Variants in SLC33A1 observed in about 807,000 individuals in gnomAD.
SLC33A1 encodes solute carrier family 33 member 1.
SLC33A1 carries 20 observed loss-of-function variants against 50.0 expected under a neutral mutation model. That is an observed-to-expected ratio of 0.40 (90% CI 0.28 to 0.58). The LOEUF (loss-of-function observed/expected upper bound fraction) is 0.58. SLC33A1 is among the 20% of genes least tolerant of loss of function. The pLI is 0.44. For missense variants in SLC33A1, 476 were observed against 657.0 expected, an observed-to-expected ratio of 0.72 and a Z score of 3.01; for synonymous variants, 265 against 251.8, an observed-to-expected ratio of 1.05 and a Z score of -0.50.
rs1016963261 is a variant in SLC33A1, at chr3:155,826,935, T to G, written c.*1275A>C. 2.6e-5 allele frequency: 4 copies of G among 152,184 alleles called. No homozygotes were observed. Among genetic ancestry groups the G allele is most frequent in the Non-Finnish European group, 4.4e-5 (3 of 68,032 alleles). The allele number at this position is 152,184 out of a possible 1,614,324, so 9.4% of individuals were successfully genotyped here. On this transcript the variant is annotated 3_prime_UTR_variant, in exon 6 of 6. Transcript: ENST00000643144. ...TAACTTTTGGAGGATTTATATAATC[T>G]CTAAAGAGTCAGAGTAATACATAAC...
At position 155,854,040 on chromosome 3, in the gene SLC33A1, G is replaced by A. The variant is rs140074495; in HGVS notation, c.-43C>T. Reference sequence around the variant, plus strand: ...GCCCCGTCTGTGGGGGGCCGAGGCTGAGCGTTTTGGATCCGTCCAGTCCCA... The same window carrying A: ...GCCCCGTCTGTGGGGGGCCGAGGCTAAGCGTTTTGGATCCGTCCAGTCCCA... On this transcript the variant is annotated 5_prime_UTR_variant, in exon 1 of 6. Transcript: ENST00000643144. 312 of 1,492,692 alleles carry A rather than the reference G, an allele frequency of 2.1e-4. No individual in the cohort carries two copies. In the East Asian group the frequency reaches 6.7e-3, roughly 32 times the overall value. The allele number at this position is 1,492,692 out of a possible 1,614,324, so 92.5% of individuals were successfully genotyped here.
At chr3:155,834,666 T>C (rs1207662152) in intron 2 of SLC33A1, among the ~76,000 whole-genome samples, 1 of 152,138 alleles carries the variant, frequency 6.6e-6, no homozygotes, top group African/African-American at 2.4e-5. Flanking sequence ...CAGTTTTTAA[T>C]TACAAAAGAA....
intron 4 of SLC33A1, among the ~76,000 whole-genome samples, chr3:155,831,395 TCA>T (rs1752425346): frequency 7.9e-6 from 1 of 126,322 alleles, no homozygotes; most frequent in African/African-American, 3.0e-5. Context: ...GGTGGAGGTA[TCA>T]CAGTGAGCCG....
Position 155,852,672 on chromosome 3 carries a change from T to C in SLC33A1, c.775+551A>G, listed in dbSNP as rs1451526724. Among the ~76,000 whole-genome samples the C allele has an allele frequency of 3.9e-5, 6 of 152,344 alleles. No homozygotes were observed. The East Asian group carries it at 9.6e-4, about 24-fold the overall frequency. On this transcript the variant is annotated intron_variant, in intron 1 of 5. Transcript: ENST00000643144. ...AAGCCTGACTCCCAAAGGCAGTTAC[T>C]AACTGGCAACTCTGAACTCTCCTAA...
intron 4 of SLC33A1, 38 bp downstream of exon 4, chr3:155,833,430 G>T: frequency 3.1e-6 from 3 of 954,062 alleles, no homozygotes; most frequent in South Asian, 2.6e-5. Flanking sequence ...ATTTTACACA[G>T]AACAGTTTAT....
At chr3:155,828,899 T>C (rs1003308294) in intron 5 of SLC33A1, among the ~76,000 whole-genome samples, 1 of 148,540 alleles carries the variant, frequency 6.7e-6, no homozygotes, top group African/African-American at 2.5e-5. Context: ...CGAATATGTT[T>C]TTTTTTTTTT....
At chr3:155,847,241 T>A (rs913548703) in intron 1 of SLC33A1, among the ~76,000 whole-genome samples, 1 of 152,086 alleles carries the variant, frequency 6.6e-6, no homozygotes, top group Admixed American at 6.6e-5. Context: ...TTTGTTTTTC[T>A]GAGAATGTAG....
rs924989734 is a variant in SLC33A1 at position 155,830,497 on chromosome 3, T to C, written c.1267-594A>G. On this transcript the variant is annotated intron_variant, in intron 4 of 5. Transcript: ENST00000643144. ...AGGCTGGAAAATGGGGAATAAATAA[T>C]TATAAATACAGGAAGTACTGTAAAT... Among the ~76,000 whole-genome samples the C allele has an allele frequency of 6.6e-5, 10 of 152,204 alleles. No homozygotes were observed. In the East Asian group the frequency reaches 1.5e-3, roughly 23 times the overall value.
At chr3:155,831,733 A>G (rs970396844) in intron 4 of SLC33A1, among the ~76,000 whole-genome samples, 1 of 152,144 alleles carries the variant, frequency 6.6e-6, no homozygotes, top group East Asian at 1.9e-4. Context: ...TTAACCTTCT[A>G]TTACATATCT....
chr3:155,840,983 C>CA lies in SLC33A1; in HGVS notation c.963+1448dup, dbSNP rs1168031341. On this transcript the variant is annotated intron_variant, in intron 2 of 5. Coordinates refer to ENST00000643144, the MANE Select transcript of SLC33A1 (RefSeq NM_004733.4). Reference sequence around the variant, plus strand: ...TGGGTGACAGAGCGAGACTTTGTCTCAAAAAAAATATATATATATATTGTT... The same window carrying CA: ...TGGGTGACAGAGCGAGACTTTGTCTCAAAAAAAAATATATATATATATTGTT... Among the ~76,000 whole-genome samples, 34 of 147,464 alleles carry CA rather than the reference C, an allele frequency of 2.3e-4. No individual in the cohort carries two copies. The East Asian group carries it at 5.1e-3, about 22-fold the overall frequency.
chr3:155,847,190 A>G (rs1286620769), intron 1 of SLC33A1, among the ~76,000 whole-genome samples: 1 of 152,198 alleles, frequency 6.6e-6, no homozygotes, highest in African/African-American at 2.4e-5. Flanking sequence ...CCTGGATGAC[A>G]TGGCAAGACG....
intron 2 of SLC33A1, among the ~76,000 whole-genome samples, chr3:155,837,706 A>T (rs1577464877): frequency 6.6e-6 from 1 of 152,364 alleles, no homozygotes; most frequent in East Asian, 1.9e-4. Context: ...TGCTATAAAT[A>T]AAAATATGGA....
intron 1 of SLC33A1, among the ~76,000 whole-genome samples, chr3:155,852,754 T>C (rs761042849): frequency 1.3e-5 from 2 of 152,216 alleles, no homozygotes; most frequent in African/African-American, 4.8e-5. Flanking sequence ...ATTAGAGGCC[T>C]TAGAATCCCG....
At position 155,834,278 on chromosome 3, in the gene SLC33A1, G is replaced by C. The variant is rs148646790; in HGVS notation, c.964-237C>G. Among the ~76,000 whole-genome samples the C allele has an allele frequency of 3.9e-5, 6 of 152,282 alleles. No individual in the cohort carries two copies. The East Asian group carries it at 1.2e-3, about 29-fold the overall frequency. On this transcript the variant is annotated intron_variant, in intron 2 of 5. Coordinates refer to ENST00000643144, the MANE Select transcript of SLC33A1 (RefSeq NM_004733.4). ...AAATTCAGTACTGGTAGGGATGGTA[G>C]ATGGCTATAAATACAACTAAATTTC...
At chr3:155,829,041 A>G (rs1015682565) in intron 5 of SLC33A1, among the ~76,000 whole-genome samples, 3 of 151,758 alleles carry the variant, frequency 2.0e-5, no homozygotes, top group Non-Finnish European at 4.4e-5. Context: ...AGTTGGGACT[A>G]CAGGCACACA....
Position 155,838,452 on chromosome 3 carries a change from G to A in SLC33A1, c.963+3980C>T, listed in dbSNP as rs146215975. On this transcript the variant is annotated intron_variant, in intron 2 of 5. Transcript: ENST00000643144. ...TCCCAGCACTTTGGGAGGCAAAGGC[G>A]GGCAGATTGCCTGAGCTCAGGAGTT... Among the ~76,000 whole-genome samples the A allele has an allele frequency of 7.2e-3, 1,096 of 151,980 alleles. 9 individuals carry two copies. The highest frequency in any genetic ancestry group is 0.025 in the African/African-American group (1,026 of 41,456).
chr3:155,851,459 C>A (rs1753398153), intron 1 of SLC33A1, among the ~76,000 whole-genome samples: 1 of 151,714 alleles, frequency 6.6e-6, no homozygotes, highest in African/African-American at 2.4e-5. Flanking sequence ...GCTGTATTGC[C>A]CAAGCTGGCT....
Position 155,833,963 on chromosome 3 carries a change from A to C in SLC33A1, c.1042T>G (p.Leu348Val), listed in dbSNP as rs774185674. The change falls in exon 3 of 6, where the codon TTG becomes GTG. Residue 348 changes from leucine (L) to valine (V), a missense_variant. Leu to Val is a conservative substitution (Grantham distance 32). Transcript: ENST00000643144. The stretch of plus-strand genomic sequence containing the variant: ...TGCAAAGGAACCATTGGAACTGCCA[A>C]TAAGGCTAAATGTTCTTTGGGTACT... ...EGVPKEHLAL[L>V]AVPMVPLQII... 2 of 1,613,898 alleles carry C rather than the reference A, an allele frequency of 1.2e-6. No homozygotes were observed. The highest frequency in any genetic ancestry group is 2.2e-5 in the South Asian group (2 of 91,080).
intron 4 of SLC33A1, among the ~76,000 whole-genome samples, chr3:155,831,961 G>A (rs1194709652): frequency 6.6e-6 from 1 of 152,148 alleles, no homozygotes; most frequent in Non-Finnish European, 1.5e-5. Flanking sequence ...ACTTTCAAAG[G>A]ATATAAGCTA....
Sources: gnomAD v4.1 joint callset for allele counts (sites outside exome capture counted in the v4.1 genomes callset) on GRCh38, gnomAD v4.1.1 for gene constraint, MANE v1.5 for transcripts, NCBI Gene and HGNC (gene_info 2026-07-23, HGNC 2026-07-21) for gene names.